Variants in L3MBTL4 observed in about 807,000 individuals in gnomAD.
L3MBTL4 encodes the protein lethal(3)malignant brain tumor-like protein 4.
L3MBTL4 carries 70 observed loss-of-function variants against 84.5 expected under a neutral mutation model. The observed-to-expected ratio is 0.83, with a 90% CI of 0.68 to 1.01. L3MBTL4 has a LOEUF of 1.01. Among genes scored for constraint, L3MBTL4 ranks in the 50% least tolerant of loss-of-function variants. The probability of loss-of-function intolerance (pLI) is 0.00; values close to 1 mark genes in which losing one functional copy is unlikely to be tolerated. For synonymous variants in L3MBTL4, 274 were observed against 259.8 expected (o/e 1.05, Z -0.52); for missense variants, 715 against 754.8 (o/e 0.95, Z 0.62).
intron 1 of L3MBTL4, among the ~76,000 whole-genome samples, chr18:6,399,523 T>G (rs919957076): frequency 2.0e-5 from 3 of 152,220 alleles, no homozygotes; most frequent in Non-Finnish European, 4.4e-5. Context: ...AACTGCATAG[T>G]AATTGTCAGC....
chr18:6,293,732 A>T (rs919200691), intron 4 of L3MBTL4, among the ~76,000 whole-genome samples: 1 of 152,214 alleles, frequency 6.6e-6, no homozygotes, highest in African/African-American at 2.4e-5. Flanking sequence ...TGGCGACGGA[A>T]GCATCCCTTC....
chr18:6,287,947 G>A (rs550960553), intron 4 of L3MBTL4, among the ~76,000 whole-genome samples: 1 of 152,294 alleles, frequency 6.6e-6, no homozygotes, highest in South Asian at 2.1e-4. Context: ...GGAGGCTGAG[G>A]GAGGAGGATC....
chr18:6,210,921 A>G (rs553757131), intron 12 of L3MBTL4, among the ~76,000 whole-genome samples: 1 of 152,238 alleles, frequency 6.6e-6, no homozygotes, highest in Admixed American at 6.5e-5. Context: ...ACTTGTATCA[A>G]CTAATTACAG....
chr18:6,152,656 A>C (rs1267223204), intron 13 of L3MBTL4, among the ~76,000 whole-genome samples: 1 of 152,148 alleles, frequency 6.6e-6, no homozygotes, highest in Non-Finnish European at 1.5e-5. Context: ...ATAACCCTTT[A>C]TCAGATGTCG....
At chr18:6,175,809 T>C (rs2044201491) in intron 12 of L3MBTL4, among the ~76,000 whole-genome samples, 1 of 152,134 alleles carries the variant, frequency 6.6e-6, no homozygotes, top group African/African-American at 2.4e-5. Flanking sequence ...CTAGTCAACA[T>C]TGTAATGTAG....
chr18:6,351,773 A>G (rs369347858), intron 1 of L3MBTL4, among the ~76,000 whole-genome samples: 24 of 151,890 alleles, frequency 1.6e-4, no homozygotes, highest in South Asian at 1.0e-3. Flanking sequence ...GGATGGTCTC[A>G]ATCTCCTGAC....
At chr18:6,135,127 G>C (rs2059993744) in intron 14 of L3MBTL4, among the ~76,000 whole-genome samples, 1 of 152,186 alleles carries the variant, frequency 6.6e-6, no homozygotes, top group Admixed American at 6.5e-5. Flanking sequence ...TCCACCCTCT[G>C]AAGCCATAGC....
At chr18:6,271,313 T>A (rs993427328) in intron 4 of L3MBTL4, among the ~76,000 whole-genome samples, 1 of 152,164 alleles carries the variant, frequency 6.6e-6, no homozygotes, top group East Asian at 1.9e-4. Context: ...TATTCCACAT[T>A]GTATTTATAA....
At chr18:6,336,912 G>A (rs2052365978) in intron 1 of L3MBTL4, among the ~76,000 whole-genome samples, 1 of 152,094 alleles carries the variant, frequency 6.6e-6, no homozygotes, top group Admixed American at 6.5e-5. Flanking sequence ...GAAAATTAAG[G>A]AAAATTAAAT....
intron 1 of L3MBTL4, among the ~76,000 whole-genome samples, chr18:6,405,095 T>C (rs2055670358): frequency 6.6e-6 from 1 of 152,222 alleles, no homozygotes; most frequent in Admixed American, 6.5e-5. Flanking sequence ...AAGGCATACA[T>C]GTTTTGGTGA....
At chr18:6,352,692 C>G (rs1433212006) in intron 1 of L3MBTL4, among the ~76,000 whole-genome samples, 1 of 152,122 alleles carries the variant, frequency 6.6e-6, no homozygotes, top group Non-Finnish European at 1.5e-5. Context: ...CTTGTTTCTG[C>G]CAGGAAAATG....
chr18:6,093,339 T>G lies in L3MBTL4; in HGVS notation c.1373+16A>C. 6.3e-7 allele frequency: 1 copy of G among 1,583,072 alleles called. No homozygotes were observed. The highest frequency in any genetic ancestry group is 8.6e-7 in the Non-Finnish European group (1 of 1,169,562). ...ATGGTTTACTTTCTGGCTCACATTT[T>G]TAAGAAGTTTCTTACCTGGGCTGAC... On this transcript the variant is annotated intron_variant, in intron 15 of 18. Coordinates refer to ENST00000317931, the MANE Select transcript of L3MBTL4 (RefSeq NM_001330559.2).
At chr18:6,375,292 C>G (rs1462041788) in intron 1 of L3MBTL4, among the ~76,000 whole-genome samples, 7 of 152,164 alleles carry the variant, frequency 4.6e-5, no homozygotes, top group Admixed American at 4.6e-4. Flanking sequence ...CTCTCCCGCC[C>G]TAAGGATAAA....
At chr18:6,316,659 C>T (rs993402397) in intron 1 of L3MBTL4, among the ~76,000 whole-genome samples, 2 of 152,178 alleles carry the variant, frequency 1.3e-5, no homozygotes, top group African/African-American at 4.8e-5. Flanking sequence ...GTCACAACTC[C>T]TCTCTACTTG....
At chr18:5,966,420 A>G (rs565978551) in intron 17 of L3MBTL4, among the ~76,000 whole-genome samples, 2 of 151,978 alleles carry the variant, frequency 1.3e-5, no homozygotes, top group South Asian at 2.1e-4. Context: ...TGCACCGCAC[A>G]CTCTGGTTTC....
At chr18:6,342,521 A>AACTGT (rs1473856494) in intron 1 of L3MBTL4, among the ~76,000 whole-genome samples, 44 of 152,270 alleles carry the variant, frequency 2.9e-4, no homozygotes, top group African/African-American at 9.9e-4. Context: ...AGACTGCTGT[A>AACTGT]ACTGTAAGTG....
In L3MBTL4 at chr18:6,277,294, AT is replaced by A. The variant is rs527310263; in HGVS notation, c.128-13257del. ...CTAAAACTTAAAGTATAATAAAAAAATATTCTTATAAAACATTTTCTAAGTC... is the reference window on the plus strand; with the variant it reads ...CTAAAACTTAAAGTATAATAAAAAAAATTCTTATAAAACATTTTCTAAGTC... On this transcript the variant is annotated intron_variant, in intron 4 of 18. Coordinates refer to ENST00000317931, the MANE Select transcript of L3MBTL4 (RefSeq NM_001330559.2). Among the ~76,000 whole-genome samples the A allele has an allele frequency of 8.5e-3, 1,288 of 152,336 alleles. 26 individuals are homozygous for A. Among genetic ancestry groups the A allele is most frequent in the African/African-American group, 0.029 (1,214 of 41,572 alleles).
intron 13 of L3MBTL4, among the ~76,000 whole-genome samples, chr18:6,167,509 A>G (rs1249093253): frequency 1.3e-5 from 2 of 152,252 alleles, no homozygotes; most frequent in Admixed American, 1.3e-4. Flanking sequence ...CCTGGGATGC[A>G]AGGCTGGTTC....
At chr18:5,984,618 G>A (rs1382351403) in intron 16 of L3MBTL4, among the ~76,000 whole-genome samples, 2 of 152,168 alleles carry the variant, frequency 1.3e-5, no homozygotes, top group East Asian at 1.9e-4. Flanking sequence ...TTCCATTTCA[G>A]ATTTTGAACA....
Sources: gnomAD v4.1 joint callset for allele counts (sites outside exome capture counted in the v4.1 genomes callset) on GRCh38, gnomAD v4.1.1 for gene constraint, MANE v1.5 for transcripts, NCBI Gene and HGNC (gene_info 2026-07-23, HGNC 2026-07-21) for gene names.